CELSR2: variants seen among roughly 807,000 people sequenced by gnomAD.
The protein encoded by CELSR2 is cadherin EGF LAG seven-pass G-type receptor 2, also known as EGF-like protein 2.
CELSR2 carries 81 observed loss-of-function variants against 251.6 expected under a neutral mutation model. The observed-to-expected ratio is 0.32, with a 90% CI of 0.27 to 0.39. The LOEUF (loss-of-function observed/expected upper bound fraction) is 0.39, where lower values mean the gene tolerates loss of function less well. Ranked by LOEUF, CELSR2 falls within the 10% of genes least tolerant of loss-of-function variation. The pLI, the probability that CELSR2 is intolerant of heterozygous loss-of-function variation, is 1.00. For synonymous variants in CELSR2, 1,721 were observed against 1,670.5 expected (o/e 1.03, Z -0.74); for missense variants, 3,365 against 3,947.7 (o/e 0.85, Z 3.96).
At chr1:109,260,177 G>T (rs1409943363) in intron 2 of CELSR2, among the ~76,000 whole-genome samples, 3 of 137,344 alleles carry the variant, frequency 2.2e-5, no homozygotes, top group East Asian at 2.3e-4. Flanking sequence ...TGGTGGGGGG[G>T]GTTGGGAGGG....
In CELSR2 at chr1:109,267,579, G is replaced by T. The variant is rs72703204; in HGVS notation, c.6045G>T (p.Arg2015Ser). Residue 2015 changes from arginine (R) to serine (S), a missense_variant, in exon 16 of 34, where the codon AGG (arginine) becomes AGT (serine). Physicochemically the swap from Arg to Ser is moderately radical, Grantham distance 110. This residue lies in a region of CELSR2 where 2,093 missense variants were observed against 2,382.8 expected (regional missense o/e 0.88). Transcript: ENST00000271332. ...GTAVRHCDEHRGWLPPNLFNC... is the reference protein window; with the variant it reads ...GTAVRHCDEHSGWLPPNLFNC... ...CTGTGCGCCACTGTGATGAGCACAG[G>T]GGGTGGCTCCCCCCAAACCTCTTCA... is the stretch of plus-strand genomic sequence containing the variant. The T allele has an allele frequency of 1.2e-5, 19 of 1,614,008 alleles. No homozygotes were observed. Among genetic ancestry groups the T allele is most frequent in the African/African-American group, 4.0e-5 (3 of 74,916 alleles).
At position 109,251,583 on chromosome 1, in the gene CELSR2, GC is replaced by G; in HGVS notation, c.1509del (p.Ile504SerfsTer17). The G allele has an allele frequency of 6.2e-7, 1 of 1,613,866 alleles. No homozygotes were observed. Among genetic ancestry groups the G allele is most frequent in the Non-Finnish European group, 8.5e-7 (1 of 1,180,024 alleles). On this transcript the variant is annotated frameshift_variant, in exon 1 of 34. Coordinates refer to ENST00000271332, the MANE Select transcript of CELSR2 (RefSeq NM_001408.3). LOFTEE classifies it high-confidence loss of function. This position sits in a 1 kb window ranked among gnomAD's most constrained non-coding sequence, Gnocchi z 4.9. ...ACAGGTCCTGGATATCAACGACAATGCCCCCATCTTCGTCAGCACCCCTTTC... is the reference window on the plus strand; with the variant it reads ...ACAGGTCCTGGATATCAACGACAATGCCCCATCTTCGTCAGCACCCCTTTC... ...TVQVLDINDN[A>X]PIFVSTPFQA...
chr1:109,261,250 C>T lies in CELSR2; in HGVS notation c.4167C>T (p.Phe1389=), dbSNP rs752325919. Residue 1389 remains phenylalanine (F), a synonymous_variant, in exon 3 of 34, where the codon TTC becomes TTT. Transcript: ENST00000271332. The surrounding 1 kb of genome is among the most constrained non-coding windows in gnomAD (Gnocchi z 4.8). ...TFRGLRQRFH[F]TLALSFATKE... ...GCGGCCTGCGCCAGCGTTTCCACTT[C>T]ACCCTGGCCCTCTCGTGAGTGGCTG... is the stretch of plus-strand genomic sequence containing the variant. The T allele has an allele frequency of 1.9e-6, 3 of 1,613,344 alleles. No individual in the cohort carries two copies. The highest frequency in any genetic ancestry group is 1.1e-5 in the South Asian group (1 of 91,040).
chr1:109,260,913 G>C (rs1363111710), intron 2 of CELSR2, 129 bp from the exon 3 acceptor site: 2 of 655,604 alleles, frequency 3.1e-6, no homozygotes, highest in Non-Finnish European at 5.2e-6. Flanking sequence ...AAGTGGGGAT[G>C]CCTGGGAGGT....
rs1175807141 is a variant in CELSR2, at chr1:109,250,466, C to T, written c.387C>T (p.Leu129=). 1.9e-6 allele frequency: 3 copies of T among 1,613,714 alleles called. No homozygotes were observed. In the South Asian group the frequency reaches 3.3e-5, roughly 18 times the overall value. The change falls in exon 1 of 34, where the codon CTC becomes CTT. Residue 129 remains leucine, a synonymous_variant. Coordinates refer to ENST00000271332, the MANE Select transcript of CELSR2 (RefSeq NM_001408.3). The surrounding 1 kb of genome is among the most constrained non-coding windows in gnomAD (Gnocchi z 4.4). ...GCCACCTTTCCCCACAGGGCAAGCT[C>T]ACACTGCCCGAGGAGCACCCGTGCT... ...IGGHLSPQGK[L]TLPEEHPCLK... is the part of the protein sequence containing the mutation.
Position 109,252,424 on chromosome 1 carries a change from C to T in CELSR2, c.2345C>T (p.Thr782Ile). ...GACTATGAAGACCAAGTGTCTTACA[C>T]CCTGGCCATTACTGCTCGGGACAAT... is the stretch of plus-strand genomic sequence containing the variant. ...ELDYEDQVSY[T>I]LAITARDNGI... Residue 782 changes from threonine (T) to isoleucine (I), a missense_variant, in exon 1 of 34, where the codon ACC becomes ATC. Thr to Ile is a moderately conservative substitution (Grantham distance 89). This residue lies in a region of CELSR2 where 505 missense variants were observed against 660.0 expected (regional missense o/e 0.77). Transcript: ENST00000271332. This position sits in a 1 kb window ranked among gnomAD's most constrained non-coding sequence, Gnocchi z 4.8. 1 of 1,613,428 alleles carries T rather than the reference C, an allele frequency of 6.2e-7. No individual in the cohort carries two copies.
chr1:109,271,826 CCT>C (rs1656380575), intron 28 of CELSR2, 104 bp downstream of exon 28: 1 of 1,408,726 alleles, frequency 7.1e-7, no homozygotes, highest in African/African-American at 1.4e-5. Context: ...TTTCTCCATC[CCT>C]TCCTGGAAGG....
At position 109,270,507 on chromosome 1, in the gene CELSR2, C is replaced by T. The variant is rs540943775; in HGVS notation, c.7390C>T (p.Leu2464=). 1 of 1,614,104 alleles carries T rather than the reference C, an allele frequency of 6.2e-7. No homozygotes were observed. The highest frequency in any genetic ancestry group is 8.5e-7 in the Non-Finnish European group (1 of 1,180,050). The change falls in exon 24 of 34, where the codon CTG becomes TTG. Residue 2464 remains leucine (L), a synonymous_variant. Transcript: ENST00000271332. ...CTGGGCTCTGCTGGAGGCCTTGCACCTGTACCGGGCACTCACTGAGGTGCG... is the reference window on the plus strand; with the variant it reads ...CTGGGCTCTGCTGGAGGCCTTGCACTTGTACCGGGCACTCACTGAGGTGCG... ...FSWALLEALH[L]YRALTEVRDV...
At chr1:109,258,409 C>A in intron 1 of CELSR2, 23 bp from the exon 2 acceptor site, 1 of 1,531,362 alleles carries the variant, frequency 6.5e-7, no homozygotes, top group South Asian at 1.3e-5. Flanking sequence ...CAGGCTGGGT[C>A]CTGACTGTGT....
At chr1:109,267,248 A>G (rs1156907522) in intron 15 of CELSR2, among the ~76,000 whole-genome samples, 3 of 152,010 alleles carry the variant, frequency 2.0e-5, no homozygotes, top group East Asian at 1.9e-4. Context: ...TGGACTGGCA[A>G]TGAGCAGGTT....
chr1:109,261,848 A>G lies in CELSR2; in HGVS notation c.4338A>G (p.Gly1446=), dbSNP rs1165415437. The change falls in exon 5 of 34, where the codon GGA becomes GGG. Residue 1446 remains glycine, a synonymous_variant. Coordinates refer to ENST00000271332, the MANE Select transcript of CELSR2 (RefSeq NM_001408.3). The surrounding 1 kb of genome is among the most constrained non-coding windows in gnomAD (Gnocchi z 4.8). ...TTTVSPFVPG[G]VSDGQWHTVQ... ...CGGTGTCCCCATTCGTGCCCGGAGG[A>G]GTCAGTGATGGCCAGTGGCATACGG... 6.3e-7 allele frequency: 1 copy of G among 1,594,776 alleles called. No homozygotes were observed. The highest frequency in any genetic ancestry group is 8.6e-7 in the Non-Finnish European group (1 of 1,169,128).
At position 109,274,272 on chromosome 1, in the gene CELSR2, G is replaced by A. The variant is rs959812923; in HGVS notation, c.*223G>A. 8.1e-6 allele frequency: 9 copies of A among 1,114,066 alleles called. No homozygotes were observed. The African/African-American group carries it at 1.4e-4, about 18-fold the overall frequency. The allele number at this position is 1,114,066 out of a possible 1,614,324, so 69.0% of individuals were successfully genotyped here. A position where few individuals can be genotyped will look rare whatever the true frequency, so the allele number is the denominator to read the frequency against. Reference sequence around the variant, plus strand: ...CCCACCATTCCCCTCACTGCACTTTGGACCCCTGGGGCCAACATCTCCAAG... The same window carrying A: ...CCCACCATTCCCCTCACTGCACTTTAGACCCCTGGGGCCAACATCTCCAAG... On this transcript the variant is annotated 3_prime_UTR_variant, in exon 34 of 34. Transcript: ENST00000271332.
intron 25 of CELSR2, 58 bp downstream of exon 25, chr1:109,271,097 C>T (rs17035665): frequency 0.19 from 294,615 of 1,533,806 alleles, 29,449 homozygotes; most frequent in African/African-American, 0.23. Context: ...TGTCCTCCTG[C>T]TGCTGGGGCC....
chr1:109,252,821 G>A lies in CELSR2; in HGVS notation c.2742G>A (p.Val914=). The part of the protein sequence containing the change: ...PMEVTVTVLD[V]NDNPPVFEQD... ...AAGTGACAGTCACTGTGTTGGATGT[G>A]AATGACAATCCCCCTGTCTTTGAGC... Residue 914 remains valine, a synonymous_variant, in exon 1 of 34, where the codon GTG becomes GTA. Transcript: ENST00000271332. This position sits in a 1 kb window ranked among gnomAD's most constrained non-coding sequence, Gnocchi z 4.8. 1 of 1,614,014 alleles carries A rather than the reference G, an allele frequency of 6.2e-7. No individual in the cohort carries two copies. The highest frequency in any genetic ancestry group is 8.5e-7 in the Non-Finnish European group (1 of 1,180,014).
chr1:109,267,452 C>T (rs1656231908), intron 15 of CELSR2, 96 bp from the exon 16 acceptor site: 2 of 1,115,842 alleles, frequency 1.8e-6, no homozygotes, highest in East Asian at 2.4e-5. Flanking sequence ...TGTCCCCGGC[C>T]CATGAGGTGC....
In CELSR2 at chr1:109,267,649, G is replaced by A. The variant is rs757162953; in HGVS notation, c.6108+7G>A. ...CTCAGAACTGAAGGGCTTCGTAAGTGAACCCCCTCATCTCCATCTTTTCCC... is the reference window on the plus strand; with the variant it reads ...CTCAGAACTGAAGGGCTTCGTAAGTAAACCCCCTCATCTCCATCTTTTCCC... On this transcript the variant is annotated splice_region_variant and intron_variant, in intron 16 of 33. Transcript: ENST00000271332. 6.2e-7 allele frequency: 1 copy of A among 1,614,030 alleles called. No homozygotes were observed. The highest frequency in any genetic ancestry group is 8.5e-7 in the Non-Finnish European group (1 of 1,179,950).
In CELSR2 at chr1:109,261,472, G is replaced by A; in HGVS notation, c.4182-41G>A. The A allele has an allele frequency of 1.3e-6, 2 of 1,576,156 alleles. No individual in the cohort carries two copies. Among genetic ancestry groups the A allele is most frequent in the Non-Finnish European group, 1.7e-6 (2 of 1,145,670 alleles). ...GTGGCGGGGGTGCTGGCATCCAGGT[G>A]GGTACCCCATTCCCTGCCCCCATCC... On this transcript the variant is annotated intron_variant, in intron 3 of 33. Transcript: ENST00000271332. The surrounding 1 kb of genome is among the most constrained non-coding windows in gnomAD (Gnocchi z 4.8).
At position 109,271,492 on chromosome 1, in the gene CELSR2, G is replaced by C. The variant is rs1389407762; in HGVS notation, c.7783G>C (p.Ala2595Pro). 6.2e-7 allele frequency: 1 copy of C among 1,614,124 alleles called. No individual in the cohort carries two copies. Among genetic ancestry groups the C allele is most frequent in the Admixed American group, 1.7e-5 (1 of 60,030 alleles). ...SDTLLFHYLFATCNCIQGPFI... is the reference protein window; with the variant it reads ...SDTLLFHYLFPTCNCIQGPFI... ...CACCCTCCTCTTCCACTACCTCTTTGCTACCTGCAATTGCATCCAGGTACC... is the reference window on the plus strand; with the variant it reads ...CACCCTCCTCTTCCACTACCTCTTTCCTACCTGCAATTGCATCCAGGTACC... The change falls in exon 27 of 34, where the codon GCT (alanine) becomes CCT (proline). Residue 2595 changes from alanine to proline, a missense_variant. By Grantham distance (27) the Ala-to-Pro change is conservative. Coordinates refer to ENST00000271332, the MANE Select transcript of CELSR2 (RefSeq NM_001408.3).
Position 109,269,345 on chromosome 1 carries a change from G to A in CELSR2, c.6812+55G>A. 4.3e-6 allele frequency: 7 copies of A among 1,610,000 alleles called. No individual in the cohort carries two copies. The South Asian group carries it at 7.7e-5, about 18-fold the overall frequency. ...GGGTATGGGTCGGGCGGTGAGTGCTGAGGCATGGAGGGGGTCGGGGGCGTC... is the reference window on the plus strand; with the variant it reads ...GGGTATGGGTCGGGCGGTGAGTGCTAAGGCATGGAGGGGGTCGGGGGCGTC... On this transcript the variant is annotated intron_variant, in intron 20 of 33. Coordinates refer to ENST00000271332, the MANE Select transcript of CELSR2 (RefSeq NM_001408.3). The surrounding 1 kb of genome is among the most constrained non-coding windows in gnomAD (Gnocchi z 6.4).
Sources: gnomAD v4.1 joint callset for allele counts (sites outside exome capture counted in the v4.1 genomes callset) on GRCh38, gnomAD v4.1.1 for gene constraint, gnomAD v4.1.1 regional missense constraint, Gnocchi (gnomAD v3.1) non-coding constraint, MANE v1.5 for transcripts, NCBI Gene and HGNC (gene_info 2026-07-23, HGNC 2026-07-21) for gene names.